The following EDARADD variants were observed in gnomAD, a reference collection of about 807,000 sequenced individuals.
The protein encoded by EDARADD is ectodysplasin-A receptor-associated adapter protein.
In EDARADD, 20 loss-of-function variants were observed where a neutral mutation model predicts 25.6. The observed-to-expected ratio is 0.78, with a 90% CI of 0.55 to 1.14. The LOEUF is 1.14. Among genes scored for constraint, EDARADD ranks in the 50% most tolerant of loss-of-function variants. The pLI is 0.00. For synonymous variants in EDARADD, 86 were observed against 94.4 expected, an observed-to-expected ratio of 0.91 and a Z score of 0.52; for missense variants, 225 against 270.1, an observed-to-expected ratio of 0.83 and a Z score of 1.17.
Position 236,483,932 on chromosome 1 carries a change from G to A in EDARADD, c.*1283G>A. 7.3e-7 allele frequency: 1 copy of A among 1,372,886 alleles called. No homozygotes were observed. The highest frequency in any genetic ancestry group is 2.3e-5 in the East Asian group (1 of 43,624). 85.0% of individuals were successfully genotyped at this position (1,372,886 alleles called of 1,614,324 possible). A position where few individuals can be genotyped will look rare whatever the true frequency, so the allele number is the denominator to read the frequency against. ...CCTCCGAGTTCTTCAGGTCTGGAAA[G>A]TATGACCTGGAATTCAAGTTTCTCG... On this transcript the variant is annotated 3_prime_UTR_variant, in exon 6 of 6. Transcript: ENST00000334232.
At chr1:236,374,120 A>G (rs1327596361) in intron 3 of EDARADD, among the ~76,000 whole-genome samples, 11 of 152,206 alleles carry the variant, frequency 7.2e-5, no homozygotes, top group African/African-American at 2.7e-4. Flanking sequence ...GTGAGCTTGG[A>G]AAGAGTGTGT....
At chr1:236,461,033 G>T (rs1275680431) in intron 4 of EDARADD, among the ~76,000 whole-genome samples, 2 of 152,052 alleles carry the variant, frequency 1.3e-5, no homozygotes, top group African/African-American at 4.8e-5. Context: ...TGTTGGCCAG[G>T]ATGGTCTTGA....
chr1:236,371,642 T>G (rs2102993652), intron 3 of EDARADD, among the ~76,000 whole-genome samples: 1 of 151,898 alleles, frequency 6.6e-6, no homozygotes, highest in Admixed American at 6.6e-5. Context: ...CGATCTCGGC[T>G]CACTGCAACC....
At chr1:236,412,071 A>G (rs1186320802) in intron 2 of EDARADD, among the ~76,000 whole-genome samples, 3 of 152,150 alleles carry the variant, frequency 2.0e-5, no homozygotes, top group African/African-American at 7.2e-5. Flanking sequence ...ATGGGAGATG[A>G]GGTCCTCCAT....
intron 5 of EDARADD, among the ~76,000 whole-genome samples, chr1:236,472,335 C>T (rs566276568): frequency 6.1e-4 from 93 of 152,260 alleles, no homozygotes; most frequent in East Asian, 2.3e-3. Context: ...GTTTTCAGTC[C>T]TGGCTGCACA....
chr1:236,413,044 A>G (rs1327143111), intron 2 of EDARADD, among the ~76,000 whole-genome samples: 2 of 152,052 alleles, frequency 1.3e-5, no homozygotes, highest in African/African-American at 4.8e-5. Flanking sequence ...TTGTATTTTT[A>G]GTAGAGATGG....
chr1:236,405,866 C>CTTTCTTTCTTTCTTTCTTTCT, intron 1 of EDARADD, among the ~76,000 whole-genome samples: 1 of 40,824 alleles, frequency 2.4e-5, no homozygotes, highest in African/African-American at 1.2e-4. Flanking sequence ...TCCTTCCTTC[C>CTTTCTTTCTTTCTTTCTTTCT]TTCCTTCCTT....
chr1:236,453,278 C>CTT (rs71672500), intron 4 of EDARADD, among the ~76,000 whole-genome samples: 73 of 133,874 alleles, frequency 5.5e-4, no homozygotes, highest in African/African-American at 1.1e-3. Flanking sequence ...TTCTTTTTTT[C>CTT]TTTTTTTTTT....
At chr1:236,459,779 A>G (rs1658989670) in intron 4 of EDARADD, among the ~76,000 whole-genome samples, 1 of 151,564 alleles carries the variant, frequency 6.6e-6, no homozygotes, top group Non-Finnish European at 1.5e-5. Flanking sequence ...CACCCAGCCA[A>G]TTTTTTGTAT....
chr1:236,425,214 C>T (rs1657884052), intron 3 of EDARADD, among the ~76,000 whole-genome samples: 2 of 152,208 alleles, frequency 1.3e-5, no homozygotes, highest in Non-Finnish European at 1.5e-5. Flanking sequence ...TGGGTGCGCT[C>T]GCCAGGGGCT....
At chr1:236,442,274 C>T (rs1006609898) in intron 4 of EDARADD, among the ~76,000 whole-genome samples, 2 of 152,202 alleles carry the variant, frequency 1.3e-5, no homozygotes, top group Middle Eastern at 3.4e-3. Flanking sequence ...TACAGGCATG[C>T]ACCACCTTGC....
chr1:236,398,564 C>G lies in EDARADD; in HGVS notation c.61+4059C>G, dbSNP rs1041872488. Among the ~76,000 whole-genome samples the G allele has an allele frequency of 6.6e-6, 1 of 152,218 alleles. No individual in the cohort carries two copies. Among genetic ancestry groups the G allele is most frequent in the Non-Finnish European group, 1.5e-5 (1 of 68,038 alleles). ...TTGCCTCACCTGACACCTAGCTTGACCCCTGCTCTCTGCACGCAGCCGTGC... is the reference window on the plus strand; with the variant it reads ...TTGCCTCACCTGACACCTAGCTTGAGCCCTGCTCTCTGCACGCAGCCGTGC... On this transcript the variant is annotated intron_variant, in intron 1 of 5. Transcript: ENST00000334232. The surrounding 1 kb of genome is among the most constrained non-coding windows in gnomAD (Gnocchi z 4.1).
rs766204850 is a variant in EDARADD, at chr1:236,395,687, T to G, written c.61+1182T>G. 26 of 1,552,736 alleles carry G rather than the reference T, an allele frequency of 1.7e-5. No homozygotes were observed. The East Asian group carries it at 6.2e-4, about 37-fold the overall frequency. On this transcript the variant is annotated intron_variant, in intron 1 of 5. Coordinates refer to ENST00000334232, the MANE Select transcript of EDARADD (RefSeq NM_145861.4). The surrounding 1 kb of genome is among the most constrained non-coding windows in gnomAD (Gnocchi z 6.9). ...TAAAGGGACACAGCGCCGCGCCCGC[T>G]CCTGGAGCGAGCACCGCGGGGCGGG...
chr1:236,483,641 T>C lies in EDARADD; in HGVS notation c.*992T>C. ...ATGTCATCAATGGCAGTTCTCATGC[T>C]GTCACCAAGCTGGCCATGCAGGAGT... On this transcript the variant is annotated 3_prime_UTR_variant, in exon 6 of 6. Coordinates refer to ENST00000334232, the MANE Select transcript of EDARADD (RefSeq NM_145861.4). 1 of 1,571,570 alleles carries C rather than the reference T, an allele frequency of 6.4e-7. No homozygotes were observed. The highest frequency in any genetic ancestry group is 8.7e-7 in the Non-Finnish European group (1 of 1,143,294).
chr1:236,478,254 T>C, intron 5 of EDARADD, among the ~76,000 whole-genome samples: 1 of 152,086 alleles, frequency 6.6e-6, no homozygotes, highest in Non-Finnish European at 1.5e-5. Context: ...TGATTAAAGA[T>C]GTGGCCCCAA....
chr1:236,353,156 T>C (rs1666936862), intron 3 of EDARADD, among the ~76,000 whole-genome samples: 1 of 152,216 alleles, frequency 6.6e-6, no homozygotes, highest in Non-Finnish European at 1.5e-5. Flanking sequence ...GCAGCCTCAC[T>C]TCACAGGCCA....
intron 3 of EDARADD, among the ~76,000 whole-genome samples, chr1:236,383,288 G>A (rs1667321454): frequency 6.6e-6 from 1 of 151,492 alleles, no homozygotes; most frequent in Non-Finnish European, 1.5e-5. Flanking sequence ...CCAGCTACTC[G>A]AGAGGCTGAG....
At chr1:236,405,723 CTTTTT>C (rs1667696075) in intron 1 of EDARADD, among the ~76,000 whole-genome samples, 2 of 146,126 alleles carry the variant, frequency 1.4e-5, no homozygotes, top group African/African-American at 5.2e-5. Flanking sequence ...TCCTTCCTTT[CTTTTT>C]CTTTCTTTCT....
rs35531700 is a variant in EDARADD at position 236,478,359 on chromosome 1, A to ATGTGTGTGTG, written c.266-3890_266-3881dup. The stretch of plus-strand genomic sequence containing the variant: ...TAGTTTATCCAAAATCCATATATAT[A>ATGTGTGTGTG]TGTGTGTGTGTGTGTGTGTGTGTGT... On this transcript the variant is annotated intron_variant, in intron 5 of 5. Transcript: ENST00000334232. 1.3e-3 allele frequency among the ~76,000 whole-genome samples: 182 copies of ATGTGTGTGTG among 144,798 alleles called. 2 individuals carry two copies. The South Asian group carries it at 0.017, about 13-fold the overall frequency. The allele number at this position is 144,798 out of a possible 152,430, so 95.0% of individuals were successfully genotyped here.
Sources: gnomAD v4.1 joint callset for allele counts (sites outside exome capture counted in the v4.1 genomes callset) on GRCh38, gnomAD v4.1.1 for gene constraint, Gnocchi (gnomAD v3.1) non-coding constraint, MANE v1.5 for transcripts, NCBI Gene and HGNC (gene_info 2026-07-23, HGNC 2026-07-21) for gene names.